The following GPAT3 variants were observed in gnomAD, a reference collection of about 807,000 sequenced individuals.
The protein encoded by GPAT3 is glycerol-3-phosphate acyltransferase 3, also known as 1-AGP acyltransferase 9.
A neutral mutation model predicts 58.8 loss-of-function variants in GPAT3; 53 were observed. The ratio of observed to expected loss-of-function variants is 0.90; its 90% confidence interval spans 0.72 to 1.13. The LOEUF (loss-of-function observed/expected upper bound fraction) is 1.13, where lower values mean the gene tolerates loss of function less well. Ranked by LOEUF, GPAT3 falls within the 50% of genes most tolerant of loss-of-function variation. GPAT3 has a pLI of 0.00. For synonymous variants in GPAT3, 197 were observed against 187.4 expected, an observed-to-expected ratio of 1.05 and a Z score of -0.42; for missense variants, 511 against 527.6, an observed-to-expected ratio of 0.97 and a Z score of 0.31.
intron 2 of GPAT3, among the ~76,000 whole-genome samples, chr4:83,571,992 C>CA (rs1725627939): frequency 6.6e-6 from 1 of 152,046 alleles, no homozygotes; most frequent in African/African-American, 2.4e-5. Context: ...AGGCTGGTCT[C>CA]AGACTCCTGA....
At chr4:83,583,678 A>G (rs1220761813) in intron 3 of GPAT3, among the ~76,000 whole-genome samples, 1 of 147,152 alleles carries the variant, frequency 6.8e-6, no homozygotes, top group Non-Finnish European at 1.5e-5. Context: ...AAAAAAAAAA[A>G]AAAAAAAAAA....
In GPAT3 at chr4:83,598,147, G is replaced by C; in HGVS notation, c.1093G>C (p.Asp365His). ...RMMTSWAIVC[D>H]VWYMPPMTRE... is the part of the protein sequence containing the mutation. ...GATGACCAGCTGGGCCATCGTCTGTGACGTGTGGTACATGCCCCCCATGAC... is the reference window on the plus strand; with the variant it reads ...GATGACCAGCTGGGCCATCGTCTGTCACGTGTGGTACATGCCCCCCATGAC... Residue 365 changes from aspartate to histidine, a missense_variant, in exon 10 of 12, where the codon GAC becomes CAC. Coordinates refer to ENST00000264409, the MANE Select transcript of GPAT3 (RefSeq NM_032717.5). The C allele has an allele frequency of 6.2e-7, 1 of 1,613,614 alleles. No homozygotes were observed.
intron 2 of GPAT3, among the ~76,000 whole-genome samples, chr4:83,562,210 A>T (rs1414393960): frequency 1.1e-3 from 27 of 23,736 alleles, no homozygotes; most frequent in Admixed American, 2.0e-3. Flanking sequence ...ATATATATAT[A>T]TTATATATAT....
intron 2 of GPAT3, among the ~76,000 whole-genome samples, chr4:83,557,601 G>C (rs1359545520): frequency 6.6e-6 from 1 of 152,150 alleles, no homozygotes; most frequent in Non-Finnish European, 1.5e-5. Context: ...CACAGGCCAT[G>C]GGTTGGACAA....
chr4:83,595,191 CTG>C, intron 7 of GPAT3: 1 of 377,184 alleles, frequency 2.7e-6, no homozygotes, highest in Non-Finnish European at 4.8e-6. Flanking sequence ...ATTTATATTG[CTG>C]TGACTTAGAT....
Position 83,536,462 on chromosome 4 carries a change from G to A in GPAT3, c.-161G>A. The A allele has an allele frequency of 2.1e-6, 3 of 1,442,606 alleles. No homozygotes were observed. The highest frequency in any genetic ancestry group is 2.5e-5 in the East Asian group (1 of 40,626). The allele number at this position is 1,442,606 out of a possible 1,614,324, so 89.4% of individuals were successfully genotyped here. A position where few individuals can be genotyped will look rare whatever the true frequency, so the allele number is the denominator to read the frequency against. Reference sequence around the variant, plus strand: ...CCAGGGAGGAAGGAAGGATATTGCCGTAATTCTGAAAGTTTTTTTCCTTCC... The same window carrying A: ...CCAGGGAGGAAGGAAGGATATTGCCATAATTCTGAAAGTTTTTTTCCTTCC... On this transcript the variant is annotated 5_prime_UTR_variant, in exon 1 of 12. Transcript: ENST00000264409.
chr4:83,554,897 G>T (rs529863824), intron 2 of GPAT3, among the ~76,000 whole-genome samples: 34 of 149,416 alleles, frequency 2.3e-4, no homozygotes, highest in African/African-American at 8.4e-4. Flanking sequence ...TTTGCCTCCC[G>T]GGTTCAAGTG....
intron 4 of GPAT3, 131 bp downstream of exon 4, chr4:83,587,460 A>G: frequency 1.2e-6 from 1 of 858,488 alleles, no homozygotes; most frequent in East Asian, 2.8e-5. Flanking sequence ...GGAGTCTCGT[A>G]CTGTCACCTG....
chr4:83,578,857 T>TTTCCTTCCTTCCTTCC (rs140483935), intron 2 of GPAT3, among the ~76,000 whole-genome samples: 3 of 144,234 alleles, frequency 2.1e-5, no homozygotes, highest in African/African-American at 7.4e-5. Context: ...AACTTACTTT[T>TTTCCTTCCTTCCTTCC]TTCCTTCCTT....
intron 1 of GPAT3, among the ~76,000 whole-genome samples, chr4:83,543,489 G>A (rs970347222): frequency 7.2e-5 from 11 of 152,036 alleles, no homozygotes; most frequent in African/African-American, 1.2e-4. Context: ...TATACTCCTA[G>A]GTATATTCAA....
chr4:83,553,479 C>T (rs1323117795), intron 2 of GPAT3, among the ~76,000 whole-genome samples: 1 of 152,198 alleles, frequency 6.6e-6, no homozygotes, highest in African/African-American at 2.4e-5. Flanking sequence ...GTCTCTAGCA[C>T]TGACTGCTGA....
chr4:83,549,779 G>A (rs1416606504), intron 2 of GPAT3, among the ~76,000 whole-genome samples: 1 of 150,922 alleles, frequency 6.6e-6, no homozygotes, highest in African/African-American at 2.4e-5. Flanking sequence ...CTGGAGTGCA[G>A]TGGTGTGATT....
intron 2 of GPAT3, among the ~76,000 whole-genome samples, chr4:83,570,528 A>G (rs1452829666): frequency 2.1e-5 from 3 of 142,082 alleles, no homozygotes; most frequent in Non-Finnish European, 3.0e-5. Context: ...GCTGGAGTGC[A>G]GCGGCACGAT....
At position 83,596,570 on chromosome 4, in the gene GPAT3, C is replaced by T. The variant is rs191765801; in HGVS notation, c.855-288C>T. Among the ~76,000 whole-genome samples, 376 of 151,882 alleles carry T rather than the reference C, an allele frequency of 2.5e-3. 1 individual carries two copies. Among genetic ancestry groups the T allele is most frequent in the Non-Finnish European group, 3.3e-3 (224 of 67,928 alleles). On this transcript the variant is annotated intron_variant, in intron 7 of 11. Coordinates refer to ENST00000264409, the MANE Select transcript of GPAT3 (RefSeq NM_032717.5). ...TCAGGGTGTGGAGGCTGCAGTGAGC[C>T]GAGATCATGCCACTGCACTCCAGCC...
At chr4:83,574,867 CTT>C (rs559690278) in intron 2 of GPAT3, among the ~76,000 whole-genome samples, 1 of 112,906 alleles carries the variant, frequency 8.9e-6, no homozygotes, top group Non-Finnish European at 1.9e-5. Flanking sequence ...ACATTTCTTT[CTT>C]TTTTTTTTTT....
chr4:83,541,379 A>G (rs966708922), intron 1 of GPAT3, among the ~76,000 whole-genome samples: 3 of 149,110 alleles, frequency 2.0e-5, no homozygotes, highest in African/African-American at 7.4e-5. Flanking sequence ...CACCATGCCC[A>G]ACTAATTTAA....
intron 5 of GPAT3, among the ~76,000 whole-genome samples, chr4:83,589,138 G>A (rs969087702): frequency 6.6e-6 from 1 of 152,176 alleles, no homozygotes; most frequent in Admixed American, 6.5e-5. Context: ...AAAACACTCT[G>A]GCAGGTGTGC....
At position 83,581,667 on chromosome 4, in the gene GPAT3, A is replaced by G; in HGVS notation, c.314A>G (p.Glu105Gly). 1.2e-6 allele frequency: 2 copies of G among 1,614,166 alleles called. No individual in the cohort carries two copies. Among genetic ancestry groups the G allele is most frequent in the Non-Finnish European group, 1.7e-6 (2 of 1,180,020 alleles). The change falls in exon 3 of 12, where the codon GAA becomes GGA. Residue 105 changes from glutamate (E) to glycine (G), a missense_variant. Coordinates refer to ENST00000264409, the MANE Select transcript of GPAT3 (RefSeq NM_032717.5). Reference sequence around the variant, plus strand: ...TTTTATTTCTCCAAGAAGGGATTGGAAGCCATTGTAGAAGATGAAGTGACC... The same window carrying G: ...TTTTATTTCTCCAAGAAGGGATTGGGAGCCATTGTAGAAGATGAAGTGACC... ...DVFYFSKKGLEAIVEDEVTQR... is the reference protein window; with the variant it reads ...DVFYFSKKGLGAIVEDEVTQR...
chr4:83,563,860 T>C (rs1725280478), intron 2 of GPAT3, among the ~76,000 whole-genome samples: 1 of 152,116 alleles, frequency 6.6e-6, no homozygotes, highest in African/African-American at 2.4e-5. Context: ...TGTTCTTCAC[T>C]TATAATATAT....
Sources: gnomAD v4.1 joint callset for allele counts (sites outside exome capture counted in the v4.1 genomes callset) on GRCh38, gnomAD v4.1.1 for gene constraint, MANE v1.5 for transcripts, NCBI Gene and HGNC (gene_info 2026-07-23, HGNC 2026-07-21) for gene names.